MED13L: variants seen among roughly 807,000 people sequenced by gnomAD.
MED13L encodes mediator complex subunit 13L.
A neutral mutation model predicts 220.9 loss-of-function variants in MED13L; 7 were observed. The ratio of observed to expected loss-of-function variants is 0.03; its 90% CI spans 0.02 to 0.06. The LOEUF (loss-of-function observed/expected upper bound fraction) is 0.06, where lower values mean the gene tolerates loss of function less well. Ranked by LOEUF, MED13L falls within the 10% of genes least tolerant of loss-of-function variation. MED13L has a pLI of 1.00. For synonymous variants in MED13L, 1,011 were observed against 1,015.2 expected (o/e 1.00, Z 0.08); for missense variants, 1,965 against 2,760.5 (o/e 0.71, Z 6.46).
chr12:115,960,682 G>A lies in MED13L; in HGVS notation c.*584C>T, dbSNP rs1875701736. 1 of 159,258 alleles carries A rather than the reference G, an allele frequency of 6.3e-6. No homozygotes were observed. The highest frequency in any genetic ancestry group is 5.8e-5 in the Admixed American group (1 of 17,376). The allele number at this position is 159,258 out of a possible 1,614,324, so 9.9% of individuals were successfully genotyped here. A position where few individuals can be genotyped will look rare whatever the true frequency, so the allele number is the denominator to read the frequency against. The stretch of plus-strand genomic sequence containing the variant: ...TAAAATAAATAAACAAAATGAAGCT[G>A]TCTCCAGACCTTCTGCATTGACACA... On this transcript the variant is annotated 3_prime_UTR_variant, in exon 31 of 31. Coordinates refer to ENST00000281928, the MANE Select transcript of MED13L (RefSeq NM_015335.5).
intron 1 of MED13L, among the ~76,000 whole-genome samples, chr12:116,274,991 TA>T (rs11357820): frequency 0.097 from 13,102 of 134,874 alleles, 555 homozygotes; most frequent in South Asian, 0.11. Flanking sequence ...ACTTAAGCTT[TA>T]AAAAAAAAAA....
At chr12:116,103,130 C>CTT (rs1029188118) in intron 3 of MED13L, among the ~76,000 whole-genome samples, 75 of 152,314 alleles carry the variant, frequency 4.9e-4, no homozygotes, top group African/African-American at 1.7e-3. Context: ...CGGTTAGCCT[C>CTT]TTTTACAGGC....
At chr12:116,086,521 A>G (rs1871707045) in intron 4 of MED13L, among the ~76,000 whole-genome samples, 1 of 152,100 alleles carries the variant, frequency 6.6e-6, no homozygotes, top group Non-Finnish European at 1.5e-5. Context: ...ACCTCAAGTG[A>G]TCTGCCTGTC....
chr12:116,134,458 C>T (rs1593083815), intron 2 of MED13L, among the ~76,000 whole-genome samples: 1 of 152,026 alleles, frequency 6.6e-6, no homozygotes, highest in Non-Finnish European at 1.5e-5. Context: ...ACGGTCTCAG[C>T]GGTGAAGCAA....
In MED13L at chr12:115,968,062, C is replaced by G. The variant is rs572156062; in HGVS notation, c.6225+878G>C. 2.5e-3 allele frequency among the ~76,000 whole-genome samples: 336 copies of G among 134,236 alleles called. 34 individuals carry two copies. Among genetic ancestry groups the G allele is most frequent in the African/African-American group, 8.3e-3 (305 of 36,588 alleles). The allele number at this position is 134,236 out of a possible 152,430, so 88.1% of individuals were successfully genotyped here. A position where few individuals can be genotyped will look rare whatever the true frequency, so the allele number is the denominator to read the frequency against. On this transcript the variant is annotated intron_variant, in intron 28 of 30. Transcript: ENST00000281928. ...GTGCTGGGAATAAAAGTCCCCCCCC[C>G]CCCCCGATGAAAACTGAAGTCCTTT...
intron 2 of MED13L, among the ~76,000 whole-genome samples, chr12:116,233,090 GAAA>G (rs530903194): frequency 2.4e-5 from 2 of 82,946 alleles, no homozygotes; most frequent in Non-Finnish European, 4.9e-5. Flanking sequence ...CTGTCTAAAG[GAAA>G]AAAAAAAAAA....
chr12:116,110,543 T>G (rs992085830), intron 3 of MED13L, among the ~76,000 whole-genome samples: 4 of 152,052 alleles, frequency 2.6e-5, no homozygotes, highest in Non-Finnish European at 4.4e-5. Context: ...CTAAAACAAA[T>G]AAATGAAAAT....
intron 2 of MED13L, among the ~76,000 whole-genome samples, chr12:116,205,343 G>C (rs1882244181): frequency 1.3e-5 from 2 of 151,218 alleles, no homozygotes; most frequent in South Asian, 4.2e-4. Flanking sequence ...GTTTTTCCTA[G>C]CTTTTTTACA....
At chr12:116,276,331 T>TGTGTGTGTGTGTGTGTGTGC (rs1873820637) in intron 1 of MED13L, 1 of 535,876 alleles carries the variant, frequency 1.9e-6, no homozygotes, top group African/African-American at 1.9e-5. Context: ...TGTGTGTGTG[T>TGTGTGTGTGTGTGTGTGTGC]GTGTGTGTGT....
chr12:116,076,408 A>T (rs1261168774), intron 4 of MED13L, among the ~76,000 whole-genome samples: 1 of 152,098 alleles, frequency 6.6e-6, no homozygotes, highest in Non-Finnish European at 1.5e-5. Flanking sequence ...ACAGTGGCAC[A>T]CACCTGCAGT....
chr12:116,096,681 G>A lies in MED13L; in HGVS notation c.467C>T (p.Pro156Leu). ...FVRPYEKDEK[P>L]VNKSEHLSCA... is the part of the protein sequence containing the mutation. ...TCTAAAGGCTCACCTTTTGTTGACT[G>A]GCTTTTCATCCTTTTCGTAGGGTCG... Residue 156 changes from proline to leucine, a missense_variant, in exon 4 of 31, where the codon CCA (proline) becomes CTA (leucine). Physicochemically the swap from Pro to Leu is moderately conservative, Grantham distance 98. This residue lies in a region of MED13L where 818 missense variants were observed against 1,041.2 expected (regional missense o/e 0.79). Transcript: ENST00000281928. The A allele has an allele frequency of 6.2e-7, 1 of 1,613,884 alleles. No individual in the cohort carries two copies. Among genetic ancestry groups the A allele is most frequent in the Non-Finnish European group, 8.5e-7 (1 of 1,179,894 alleles).
At chr12:116,157,534 C>A (rs1471708527) in intron 2 of MED13L, among the ~76,000 whole-genome samples, 1 of 152,202 alleles carries the variant, frequency 6.6e-6, no homozygotes, top group Non-Finnish European at 1.5e-5. Flanking sequence ...CTACTCCTTT[C>A]TTTGGCAACG....
chr12:115,963,342 G>A, intron 30 of MED13L, 65 bp downstream of exon 30: 1 of 1,322,340 alleles, frequency 7.6e-7, no homozygotes, highest in Non-Finnish European at 1.1e-6. Flanking sequence ...AAACACCTTG[G>A]AAAGACAACA....
At chr12:116,184,013 CCCTT>C (rs1880717053) in intron 2 of MED13L, among the ~76,000 whole-genome samples, 1 of 152,152 alleles carries the variant, frequency 6.6e-6, no homozygotes, top group South Asian at 2.1e-4. Flanking sequence ...ATGCCAACCT[CCCTT>C]AAGCCTCATT....
chr12:116,259,509 T>G (rs1406423727), intron 1 of MED13L, among the ~76,000 whole-genome samples: 1 of 152,180 alleles, frequency 6.6e-6, no homozygotes, highest in Non-Finnish European at 1.5e-5. Flanking sequence ...ACACATGAAA[T>G]TGAAGTAAGA....
intron 1 of MED13L, among the ~76,000 whole-genome samples, chr12:116,241,341 A>ACAC (rs996038332): frequency 5.4e-5 from 8 of 149,138 alleles, no homozygotes; most frequent in South Asian, 2.1e-4. Context: ...ACAAAAAAAA[A>ACAC]ACACACACAC....
chr12:115,988,650 T>C (rs886244668), intron 17 of MED13L, among the ~76,000 whole-genome samples: 3 of 152,238 alleles, frequency 2.0e-5, no homozygotes, highest in Admixed American at 2.0e-4. Context: ...AAATAGAAAG[T>C]GAGTTTTGAA....
intron 1 of MED13L, chr12:116,276,810 TC>T: frequency 8.4e-7 from 1 of 1,183,938 alleles, no homozygotes. Flanking sequence ...CTCCGAGACT[TC>T]CACATGCAAA....
chr12:116,233,258 T>A (rs1249012237), intron 2 of MED13L, among the ~76,000 whole-genome samples: 1 of 152,134 alleles, frequency 6.6e-6, no homozygotes, highest in Non-Finnish European at 1.5e-5. Flanking sequence ...TGAATTATAG[T>A]ATATAATCAT....
Sources: gnomAD v4.1 joint callset for allele counts (sites outside exome capture counted in the v4.1 genomes callset) on GRCh38, gnomAD v4.1.1 for gene constraint, gnomAD v4.1.1 regional missense constraint, MANE v1.5 for transcripts, NCBI Gene and HGNC (gene_info 2026-07-23, HGNC 2026-07-21) for gene names.